Variants in PRDM15 observed in about 807,000 individuals in gnomAD.
PRDM15 encodes PR domain zinc finger protein 15.
A neutral mutation model predicts 128.6 loss-of-function variants in PRDM15; 64 were observed. That is an observed-to-expected ratio of 0.50 (90% CI 0.41 to 0.61). The LOEUF is 0.61. Ranked by LOEUF, PRDM15 falls within the 20% of genes least tolerant of loss-of-function variation. The probability of loss-of-function intolerance (pLI) is 0.00; values close to 1 mark genes in which losing one functional copy is unlikely to be tolerated. For missense variants in PRDM15, 1,242 were observed against 1,569.1 expected (o/e 0.79, Z 3.52); for synonymous variants, 615 against 621.8 (o/e 0.99, Z 0.16).
intron 3 of PRDM15, among the ~76,000 whole-genome samples, 156 bp from the exon 4 acceptor site, chr21:41,857,485 G>T (rs1345111729): frequency 6.6e-6 from 1 of 152,238 alleles, no homozygotes; most frequent in East Asian, 1.9e-4. Flanking sequence ...GCCAGGCTTG[G>T]TGGCTCACGC....
chr21:41,827,017 T>C (rs2062494016), intron 12 of PRDM15, among the ~76,000 whole-genome samples: 1 of 152,198 alleles, frequency 6.6e-6, no homozygotes, highest in African/African-American at 2.4e-5. Flanking sequence ...GTGAGAAGTT[T>C]CAAGAGCAGG....
At chr21:41,860,154 G>T (rs904069035) in intron 2 of PRDM15, among the ~76,000 whole-genome samples, 173 bp downstream of exon 2, 3 of 152,210 alleles carry the variant, frequency 2.0e-5, no homozygotes, top group Admixed American at 1.3e-4. Context: ...TACCCCTGTA[G>T]TGTACTGCTT....
chr21:41,879,020 C>T lies in PRDM15; in HGVS notation c.-10+250G>A, dbSNP rs773839321. 1.6e-5 allele frequency: 17 copies of T among 1,065,284 alleles called. 2 individuals carry two copies. The highest frequency in any genetic ancestry group is 2.1e-4 in the East Asian group (2 of 9,386). 66.0% of individuals were successfully genotyped at this position (1,065,284 alleles called of 1,614,324 possible). ...CCCGGCGGGCGGGCGGCGCGCAGGG[C>T]GATCCCGGAGCGGCTCCGGGAAATC... is the stretch of plus-strand genomic sequence containing the variant. On this transcript the variant is annotated intron_variant, in intron 1 of 23. Coordinates refer to ENST00000398548, the MANE Select transcript of PRDM15 (RefSeq NM_001040424.3). This position sits in a 1 kb window ranked among gnomAD's most constrained non-coding sequence, Gnocchi z 5.1.
intron 11 of PRDM15, among the ~76,000 whole-genome samples, chr21:41,829,430 C>T (rs1379280758): frequency 6.6e-6 from 1 of 151,940 alleles, no homozygotes; most frequent in East Asian, 1.9e-4. Context: ...ACACCACACA[C>T]AGAAGCCACA....
At chr21:41,861,872 G>A in intron 1 of PRDM15, 15 of 1,580,902 alleles carry the variant, frequency 9.5e-6, no homozygotes, top group Non-Finnish European at 1.1e-5. Flanking sequence ...AAGGGGAGGG[G>A]GGTGAAATTT....
intron 17 of PRDM15, 51 bp from the exon 18 acceptor site, chr21:41,819,752 T>C: frequency 6.4e-7 from 1 of 1,556,166 alleles, no homozygotes; most frequent in South Asian, 1.2e-5. Context: ...CGACCTGCAG[T>C]GGCTGCAAAG....
In PRDM15 at chr21:41,859,077, AAC is replaced by A. The variant is rs773266512; in HGVS notation, c.131+513_131+514del. On this transcript the variant is annotated intron_variant, in intron 3 of 23. Transcript: ENST00000398548. This position sits in a 1 kb window ranked among gnomAD's most constrained non-coding sequence, Gnocchi z 5.3. The stretch of plus-strand genomic sequence containing the variant: ...CACAGCCTCCCCCAGGTGAGGGTGG[AAC>A]GGCAGGGCAGCTGCTGCCCACTGAG... 7 of 1,580,652 alleles carry A rather than the reference AAC, an allele frequency of 4.4e-6. No homozygotes were observed. The African/African-American group carries it at 9.4e-5, about 21-fold the overall frequency.
chr21:41,874,525 A>ATATATATATATAT, intron 1 of PRDM15, among the ~76,000 whole-genome samples: 1 of 95,816 alleles, frequency 1.0e-5, no homozygotes, highest in African/African-American at 4.1e-5. Context: ...ATATATATAT[A>ATATATATATATAT]TTTTTTTTTT....
At chr21:41,818,598 C>T (rs2062136609) in intron 18 of PRDM15, among the ~76,000 whole-genome samples, 1 of 152,140 alleles carries the variant, frequency 6.6e-6, no homozygotes. Flanking sequence ...TTTCTGCAGG[C>T]AGTTCTTTTA....
At chr21:41,802,986 A>T (rs2061457421) in intron 22 of PRDM15, 65 bp from the exon 23 acceptor site, 1 of 1,337,884 alleles carries the variant, frequency 7.5e-7, no homozygotes, top group Non-Finnish European at 1.1e-6. Context: ...CGGCCAGGGC[A>T]GCCCCAGCAC....
At position 41,879,213 on chromosome 21, in the gene PRDM15, C is replaced by T; in HGVS notation, c.-10+57G>A. ...GCTCGCGGGGGCAGCGGGTGCGGCC[C>T]GGGGCCGGCGGGGCGCACGCCGGGG... On this transcript the variant is annotated intron_variant, in intron 1 of 23. Transcript: ENST00000398548. The surrounding 1 kb of genome is among the most constrained non-coding windows in gnomAD (Gnocchi z 5.1). 1 of 738,218 alleles carries T rather than the reference C, an allele frequency of 1.4e-6. No individual in the cohort carries two copies. The highest frequency in any genetic ancestry group is 1.6e-6 in the Non-Finnish European group (1 of 614,820). 45.7% of individuals were successfully genotyped at this position (738,218 alleles called of 1,614,324 possible). A position where few individuals can be genotyped will look rare whatever the true frequency, so the allele number is the denominator to read the frequency against.
At chr21:41,833,797 T>C (rs2062776731) in intron 11 of PRDM15, among the ~76,000 whole-genome samples, 1 of 152,162 alleles carries the variant, frequency 6.6e-6, no homozygotes, top group Non-Finnish European at 1.5e-5. Context: ...TCTAGTACTT[T>C]GTTTTATTTG....
At position 41,799,619 on chromosome 21, in the gene PRDM15, C is replaced by G. The variant is rs930080497; in HGVS notation, c.*1621G>C. 4 of 152,190 alleles carry G rather than the reference C, an allele frequency of 2.6e-5. No homozygotes were observed. Among genetic ancestry groups the G allele is most frequent in the African/African-American group, 9.7e-5 (4 of 41,412 alleles). The allele number at this position is 152,190 out of a possible 1,614,324, so 9.4% of individuals were successfully genotyped here. A position where few individuals can be genotyped will look rare whatever the true frequency, so the allele number is the denominator to read the frequency against. On this transcript the variant is annotated 3_prime_UTR_variant, in exon 24 of 24. Coordinates refer to ENST00000398548, the MANE Select transcript of PRDM15 (RefSeq NM_001040424.3). ...TGCACAAAACAAATTCCAGCCCTGT[C>G]CTCAAAAGTCTGCTGTTTGGAGTGA...
At position 41,862,295 on chromosome 21, in the gene PRDM15, G is replaced by T. The variant is rs183625647; in HGVS notation, c.-9-1923C>A. ...CGCAGAACACAGAGTCCCAACAAAG[G>T]TATTGGAATCGGAGTGGGAGGATGG... On this transcript the variant is annotated intron_variant, in intron 1 of 23. Coordinates refer to ENST00000398548, the MANE Select transcript of PRDM15 (RefSeq NM_001040424.3). This position sits in a 1 kb window ranked among gnomAD's most constrained non-coding sequence, Gnocchi z 4.1. Among the ~76,000 whole-genome samples the T allele has an allele frequency of 6.6e-6, 1 of 152,304 alleles. No homozygotes were observed. The highest frequency in any genetic ancestry group is 1.9e-4 in the East Asian group (1 of 5,180).
chr21:41,837,907 C>A (rs376027373), intron 8 of PRDM15, 27 bp downstream of exon 8: 6 of 1,613,480 alleles, frequency 3.7e-6, no homozygotes, highest in Non-Finnish European at 5.1e-6. Context: ...GTCCACAGGA[C>A]GGCCCCAGGT....
At position 41,879,095 on chromosome 21, in the gene PRDM15, T is replaced by A. The variant is rs1164722344; in HGVS notation, c.-10+175A>T. Reference sequence around the variant, plus strand: ...CAACGGTGCCCGCAGCCGGCGAATGTAACAAAGAACAGTCGGCATGGCGGC... The same window carrying A: ...CAACGGTGCCCGCAGCCGGCGAATGAAACAAAGAACAGTCGGCATGGCGGC... On this transcript the variant is annotated intron_variant, in intron 1 of 23. Transcript: ENST00000398548. This position sits in a 1 kb window ranked among gnomAD's most constrained non-coding sequence, Gnocchi z 5.1. The A allele has an allele frequency of 1.8e-6, 2 of 1,123,972 alleles. No homozygotes were observed. Among genetic ancestry groups the A allele is most frequent in the East Asian group, 2.0e-4 (2 of 9,812 alleles). The allele number at this position is 1,123,972 out of a possible 1,614,324, so 69.6% of individuals were successfully genotyped here. A position where few individuals can be genotyped will look rare whatever the true frequency, so the allele number is the denominator to read the frequency against.
chr21:41,878,788 T>C, intron 1 of PRDM15: 1 of 1,341,600 alleles, frequency 7.5e-7, no homozygotes, highest in Non-Finnish European at 9.6e-7. Flanking sequence ...GATAACGACA[T>C]CCCCTGGGGC....
chr21:41,810,053 T>C lies in PRDM15; in HGVS notation c.2652+101A>G. On this transcript the variant is annotated intron_variant, in intron 21 of 23. Transcript: ENST00000398548. This position sits in a 1 kb window ranked among gnomAD's most constrained non-coding sequence, Gnocchi z 6.4. ...CCTAAGACTCAGGGCCTGCCTCCAG[T>C]ACTGGGGGTCTGCAGAGGGAGGTGG... 8.3e-7 allele frequency: 1 copy of C among 1,206,960 alleles called. No individual in the cohort carries two copies. Among genetic ancestry groups the C allele is most frequent in the Non-Finnish European group, 1.2e-6 (1 of 858,044 alleles). 74.8% of individuals were successfully genotyped at this position (1,206,960 alleles called of 1,614,324 possible). A position where few individuals can be genotyped will look rare whatever the true frequency, so the allele number is the denominator to read the frequency against.
chr21:41,835,205 C>T (rs1040755391), intron 11 of PRDM15, among the ~76,000 whole-genome samples: 2 of 152,154 alleles, frequency 1.3e-5, no homozygotes, highest in Non-Finnish European at 2.9e-5. Flanking sequence ...ATACGCAGCT[C>T]GGCTGACAAA....
Sources: allele counts gnomAD v4.1 joint callset (sites outside exome capture counted in the v4.1 genomes callset), GRCh38; gene constraint gnomAD v4.1.1; non-coding constraint Gnocchi (gnomAD v3.1); transcripts MANE v1.5; gene names NCBI Gene and HGNC (gene_info 2026-07-23, HGNC 2026-07-21).